Variants in ACOT7 observed in about 807,000 individuals in gnomAD.
ACOT7 encodes the protein cytosolic acyl coenzyme A thioester hydrolase.
In ACOT7, 12 loss-of-function variants were observed where a neutral mutation model predicts 40.2. The ratio of observed to expected loss-of-function variants is 0.30; its 90% CI spans 0.19 to 0.48. The LOEUF is 0.48. ACOT7 is among the 20% of genes least tolerant of loss of function. ACOT7 has a pLI of 0.99. For synonymous variants in ACOT7, 228 were observed against 219.5 expected, an observed-to-expected ratio of 1.04 and a Z score of -0.34; for missense variants, 395 against 530.8, an observed-to-expected ratio of 0.74 and a Z score of 2.51.
At chr1:6,369,650 C>A (rs1642091238) in intron 1 of ACOT7, among the ~76,000 whole-genome samples, 1 of 152,046 alleles carries the variant, frequency 6.6e-6, no homozygotes, top group South Asian at 2.1e-4. Flanking sequence ...ACGATCTCAG[C>A]TCACTGCAAG....
intron 1 of ACOT7, chr1:6,385,874 T>C: frequency 7.3e-7 from 1 of 1,375,066 alleles, no homozygotes. Flanking sequence ...GATCACAGGA[T>C]GTTCTCTACA....
chr1:6,370,418 C>T (rs921577394), intron 1 of ACOT7, among the ~76,000 whole-genome samples: 67 of 151,506 alleles, frequency 4.4e-4, no homozygotes, highest in Non-Finnish European at 1.3e-4. Flanking sequence ...TCCATCAGAG[C>T]TCTTGGTTTA....
At chr1:6,380,605 A>AT (rs1642316658) in intron 1 of ACOT7, among the ~76,000 whole-genome samples, 1 of 149,550 alleles carries the variant, frequency 6.7e-6, no homozygotes, top group South Asian at 2.1e-4. Context: ...AAAAAAAACA[A>AT]GAAGACGACC....
intron 1 of ACOT7, among the ~76,000 whole-genome samples, chr1:6,375,387 G>T (rs985496577): frequency 7.2e-5 from 11 of 152,078 alleles, no homozygotes; most frequent in Non-Finnish European, 7.4e-5. Context: ...ACAATAAGAG[G>T]CCAGGCGCGG....
At chr1:6,285,292 G>A (rs750977677) in intron 7 of ACOT7, among the ~76,000 whole-genome samples, 7 of 152,214 alleles carry the variant, frequency 4.6e-5, no homozygotes, top group Non-Finnish European at 8.8e-5. Flanking sequence ...AGAATCAGGA[G>A]TGCCCAGGAG....
intron 6 of ACOT7, among the ~76,000 whole-genome samples, chr1:6,309,394 A>G (rs1471552947): frequency 6.6e-6 from 1 of 152,218 alleles, no homozygotes; most frequent in East Asian, 1.9e-4. Context: ...AGACCCAGAC[A>G]GAGACATAAA....
chr1:6,378,956 C>T (rs1005334971), intron 1 of ACOT7, among the ~76,000 whole-genome samples: 2 of 151,590 alleles, frequency 1.3e-5, no homozygotes, highest in South Asian at 2.1e-4. Context: ...AGTGCAGTGG[C>T]GCAATCTCGG....
chr1:6,302,165 T>C (rs1476466884), intron 6 of ACOT7, among the ~76,000 whole-genome samples: 6 of 152,144 alleles, frequency 3.9e-5, no homozygotes. Flanking sequence ...ATCCTGACTC[T>C]GGCAGACAAG....
chr1:6,272,549 C>T (rs1639066463), intron 8 of ACOT7, among the ~76,000 whole-genome samples: 1 of 152,178 alleles, frequency 6.6e-6, no homozygotes, highest in Non-Finnish European at 1.5e-5. Flanking sequence ...GTGGGGAGGG[C>T]TCTGCATCCT....
At chr1:6,284,762 C>A (rs1010751500) in intron 7 of ACOT7, among the ~76,000 whole-genome samples, 1 of 151,984 alleles carries the variant, frequency 6.6e-6, no homozygotes, top group Admixed American at 6.6e-5. Flanking sequence ...GGGTGATGAG[C>A]GACTGGCCTC....
At chr1:6,385,079 A>T (rs567278470) in intron 1 of ACOT7, among the ~76,000 whole-genome samples, 2 of 152,064 alleles carry the variant, frequency 1.3e-5, no homozygotes, top group South Asian at 4.2e-4. Flanking sequence ...TCGTGCAGGA[A>T]CAGCTCCCTC....
chr1:6,336,969 C>T (rs1172658909), intron 3 of ACOT7, among the ~76,000 whole-genome samples: 1 of 152,210 alleles, frequency 6.6e-6, no homozygotes, highest in South Asian at 2.1e-4. Context: ...AAGCTACAGC[C>T]TTGGGGCTCC....
chr1:6,278,090 G>A lies in ACOT7; in HGVS notation c.1014+3012C>T, dbSNP rs1266633752. On this transcript the variant is annotated intron_variant, in intron 8 of 8. Transcript: ENST00000361521. The surrounding 1 kb of genome is among the most constrained non-coding windows in gnomAD (Gnocchi z 4.1). ...CGCAGCGTCTGCAGTGGCGGGGGGT[G>A]GTTGGGAGGGGGTCTGGGGTGGCGG... 6.6e-6 allele frequency among the ~76,000 whole-genome samples: 1 copy of A among 151,868 alleles called. No homozygotes were observed. The highest frequency in any genetic ancestry group is 1.5e-5 in the Non-Finnish European group (1 of 67,994).
intron 7 of ACOT7, among the ~76,000 whole-genome samples, chr1:6,286,375 C>G (rs970499096): frequency 2.0e-5 from 3 of 152,170 alleles, no homozygotes; most frequent in Non-Finnish European, 4.4e-5. Context: ...GTAGCAGGTA[C>G]AGCAGCCAGG....
chr1:6,392,409 C>T (rs1257120771), intron 1 of ACOT7, among the ~76,000 whole-genome samples: 1 of 152,198 alleles, frequency 6.6e-6, no homozygotes, highest in Admixed American at 6.5e-5. Context: ...CTGCTGCTTC[C>T]GATTCTGCCG....
chr1:6,357,655 G>A (rs919637606), intron 1 of ACOT7, among the ~76,000 whole-genome samples: 4 of 152,200 alleles, frequency 2.6e-5, no homozygotes, highest in Non-Finnish European at 5.9e-5. Context: ...GCCAGGAGTA[G>A]ACAAGGGACA....
Position 6,350,414 on chromosome 1 carries a change from G to C in ACOT7, c.144-548C>G, listed in dbSNP as rs34650600. Among the ~76,000 whole-genome samples, 1,114 of 152,348 alleles carry C rather than the reference G, an allele frequency of 7.3e-3. 5 individuals carry two copies. Among genetic ancestry groups the C allele is most frequent in the Non-Finnish European group, 0.011 (742 of 68,020 alleles). ...GCGCTAAGCTCCTCTGTGGGTCCCG[G>C]GGGCAGTGTGGAATCAGGCCCTGGA... On this transcript the variant is annotated intron_variant, in intron 1 of 8. Coordinates refer to ENST00000361521, the MANE Select transcript of ACOT7 (RefSeq NM_007274.4).
chr1:6,306,667 AG>A lies in ACOT7; in HGVS notation c.713-11688del. ...CACGAGGAAGAAAGCGGCGTCCCAA[AG>A]CATTTGTTTGTTCACCTCTTGATCC... On this transcript the variant is annotated intron_variant, in intron 6 of 8. Coordinates refer to ENST00000361521, the MANE Select transcript of ACOT7 (RefSeq NM_007274.4). This position sits in a 1 kb window ranked among gnomAD's most constrained non-coding sequence, Gnocchi z 4.3. 1.0e-6 allele frequency: 1 copy of A among 985,370 alleles called. No homozygotes were observed. Among genetic ancestry groups the A allele is most frequent in the Admixed American group, 6.1e-5 (1 of 16,280 alleles). The allele number at this position is 985,370 out of a possible 1,614,324, so 61.0% of individuals were successfully genotyped here.
chr1:6,306,511 G>T lies in ACOT7; in HGVS notation c.713-11531C>A, dbSNP rs988215363. On this transcript the variant is annotated intron_variant, in intron 6 of 8. Coordinates refer to ENST00000361521, the MANE Select transcript of ACOT7 (RefSeq NM_007274.4). This position sits in a 1 kb window ranked among gnomAD's most constrained non-coding sequence, Gnocchi z 4.3. ...ACCAGTCCCCACGTCCCGCTCCCCCGCTGAAGCATCAGGATGGACGTGAAG... is the reference window on the plus strand; with the variant it reads ...ACCAGTCCCCACGTCCCGCTCCCCCTCTGAAGCATCAGGATGGACGTGAAG... 1 of 985,204 alleles carries T rather than the reference G, an allele frequency of 1.0e-6. No individual in the cohort carries two copies. Among genetic ancestry groups the T allele is most frequent in the East Asian group, 1.1e-4 (1 of 8,820 alleles). The allele number at this position is 985,204 out of a possible 1,614,324, so 61.0% of individuals were successfully genotyped here.
Sources: allele counts gnomAD v4.1 joint callset (sites outside exome capture counted in the v4.1 genomes callset), GRCh38; gene constraint gnomAD v4.1.1; non-coding constraint Gnocchi (gnomAD v3.1); transcripts MANE v1.5; gene names NCBI Gene and HGNC (gene_info 2026-07-23, HGNC 2026-07-21).